The following BAZ2B variants were observed in gnomAD, a reference collection of about 807,000 sequenced individuals.
BAZ2B encodes bromodomain adjacent to zinc finger domain protein 2B.
Under a neutral mutation model 246.0 loss-of-function variants are expected in BAZ2B, and 91 were observed. The ratio of observed to expected loss-of-function variants is 0.37; its 90% CI spans 0.31 to 0.44. BAZ2B has a LOEUF of 0.44. Among genes scored for constraint, BAZ2B ranks in the 20% least tolerant of loss-of-function variants. BAZ2B has a pLI of 1.00. For synonymous variants in BAZ2B, 855 were observed against 860.0 expected (o/e 0.99, Z 0.10); for missense variants, 2,332 against 2,533.7 (o/e 0.92, Z 1.71).
intron 35 of BAZ2B, among the ~76,000 whole-genome samples, chr2:159,325,212 C>T (rs919248198): frequency 7.1e-5 from 10 of 141,140 alleles, no homozygotes; most frequent in African/African-American, 2.7e-4. Context: ...CTCACTACAA[C>T]CCCTGCCTCC....
At chr2:159,463,385 T>A (rs1398323084) in intron 3 of BAZ2B, 2 of 191,342 alleles carry the variant, frequency 1.0e-5, no homozygotes, top group African/African-American at 2.4e-5. Flanking sequence ...TACAAGTCCT[T>A]TGGGTAAATC....
chr2:159,362,420 C>A (rs923480298), intron 27 of BAZ2B, among the ~76,000 whole-genome samples: 1 of 152,196 alleles, frequency 6.6e-6, no homozygotes. Context: ...GCATACAGGG[C>A]AAGGTGTGGG....
At chr2:159,609,812 A>G (rs1559898804) in intron 1 of BAZ2B, among the ~76,000 whole-genome samples, 1 of 152,166 alleles carries the variant, frequency 6.6e-6, no homozygotes, top group Non-Finnish European at 1.5e-5. Context: ...TCAATAAAAA[A>G]AAAAAAAAAT....
At chr2:159,364,456 G>T (rs1484364574) in intron 27 of BAZ2B, among the ~76,000 whole-genome samples, 1 of 152,090 alleles carries the variant, frequency 6.6e-6, no homozygotes, top group Non-Finnish European at 1.5e-5. Flanking sequence ...GCTGTGATGC[G>T]ATCGTGGCTC....
chr2:159,593,827 C>T (rs2151716782), intron 1 of BAZ2B, among the ~76,000 whole-genome samples: 1 of 152,306 alleles, frequency 6.6e-6, no homozygotes, highest in Admixed American at 6.5e-5. Context: ...GGGGACAAGG[C>T]AGGGACTACT....
intron 27 of BAZ2B, among the ~76,000 whole-genome samples, chr2:159,352,529 AG>A (rs1216772824): frequency 6.7e-6 from 1 of 149,882 alleles, no homozygotes; most frequent in African/African-American, 2.5e-5. Context: ...TCTGTCACCC[AG>A]GCTGGAGTGC....
intron 2 of BAZ2B, among the ~76,000 whole-genome samples, chr2:159,543,496 T>C (rs1009117315): frequency 6.6e-5 from 10 of 151,826 alleles, no homozygotes; most frequent in African/African-American, 2.4e-4. Context: ...TATAAACAAA[T>C]AGCCCCACAT....
chr2:159,490,608 T>C (rs943608869), intron 2 of BAZ2B, among the ~76,000 whole-genome samples: 1 of 152,134 alleles, frequency 6.6e-6, no homozygotes, highest in African/African-American at 2.4e-5. Context: ...GCAGCCTCGA[T>C]CTTCCCTGCT....
At chr2:159,685,739 A>T in the BAZ2B span, among the ~76,000 whole-genome samples, 1 of 152,204 alleles carries the variant, frequency 6.6e-6, no homozygotes, top group Non-Finnish European at 1.5e-5. Context: ...ATTACACTAT[A>T]ATGCAAAGAA....
intron 2 of BAZ2B, among the ~76,000 whole-genome samples, chr2:159,549,824 C>CTTTTT (rs766811132): frequency 1.5e-5 from 2 of 131,134 alleles, no homozygotes; most frequent in Non-Finnish European, 3.3e-5. Flanking sequence ...TTTTTTCTTT[C>CTTTTT]TTTTTTTTTT....
intron 16 of BAZ2B, among the ~76,000 whole-genome samples, chr2:159,401,345 G>T (rs2065034012): frequency 6.6e-6 from 1 of 152,134 alleles, no homozygotes; most frequent in South Asian, 2.1e-4. Flanking sequence ...GCCAATTCTG[G>T]ATTACAGTCA....
rs1254858518 is a variant in BAZ2B at position 159,581,718 on chromosome 2, T to C, written c.-45-25853A>G. Among the ~76,000 whole-genome samples the C allele has an allele frequency of 5.3e-5, 8 of 152,044 alleles. No individual in the cohort carries two copies. In the East Asian group the frequency reaches 1.2e-3, roughly 22 times the overall value. ...CTGGATAAAGAAAATGTGGCACATATACACCATGGAATACTATGCAGCCAT... is the reference window on the plus strand; with the variant it reads ...CTGGATAAAGAAAATGTGGCACATACACACCATGGAATACTATGCAGCCAT... On this transcript the variant is annotated intron_variant, in intron 1 of 36. Coordinates refer to ENST00000392783, the MANE Select transcript of BAZ2B (RefSeq NM_013450.4).
chr2:159,347,164 C>T (rs2068010001), intron 31 of BAZ2B, among the ~76,000 whole-genome samples: 1 of 152,088 alleles, frequency 6.6e-6, no homozygotes, highest in Non-Finnish European at 1.5e-5. Flanking sequence ...TGGAATTCTG[C>T]TGGTAGTAAA....
intron 1 of BAZ2B, among the ~76,000 whole-genome samples, chr2:159,563,062 G>A (rs947831661): frequency 7.2e-5 from 11 of 151,780 alleles, no homozygotes; most frequent in African/African-American, 9.7e-5. Flanking sequence ...ATAATACAGC[G>A]GTCAAAGAAA....
chr2:159,447,937 A>G (rs2074484060), intron 5 of BAZ2B, among the ~76,000 whole-genome samples: 1 of 152,118 alleles, frequency 6.6e-6, no homozygotes, highest in Non-Finnish European at 1.5e-5. Flanking sequence ...TGCTGGAAAC[A>G]CAGAGACCCT....
At chr2:159,552,240 T>C (rs1042881690) in intron 2 of BAZ2B, among the ~76,000 whole-genome samples, 1 of 152,198 alleles carries the variant, frequency 6.6e-6, no homozygotes, top group Non-Finnish European at 1.5e-5. Flanking sequence ...ATAGGTCCAA[T>C]TGGCCTCCTT....
intron 1 of BAZ2B, among the ~76,000 whole-genome samples, chr2:159,568,169 T>C (rs1488604220): frequency 6.6e-6 from 1 of 152,176 alleles, no homozygotes; most frequent in African/African-American, 2.4e-5. Context: ...TCACTCTCCA[T>C]TCCTTGGTCT....
At chr2:159,640,828 A>G in the BAZ2B span, among the ~76,000 whole-genome samples, 670 of 149,792 alleles carry the variant, frequency 4.5e-3, 5 homozygotes, top group African/African-American at 0.016. Context: ...TGAAACATTT[A>G]AAAAAAAAAC....
intron 1 of BAZ2B, among the ~76,000 whole-genome samples, chr2:159,580,298 G>T (rs1375604704): frequency 6.6e-6 from 1 of 152,160 alleles, no homozygotes; most frequent in Admixed American, 6.5e-5. Flanking sequence ...CAAATCATGA[G>T]TGAACTCCCA....
Sources: gnomAD v4.1 joint callset for allele counts (sites outside exome capture counted in the v4.1 genomes callset) on GRCh38, gnomAD v4.1.1 for gene constraint, MANE v1.5 for transcripts, NCBI Gene and HGNC (gene_info 2026-07-23, HGNC 2026-07-21) for gene names.